KLF12: variants seen among roughly 807,000 people sequenced by gnomAD.
The protein encoded by KLF12 is Krueppel-like factor 12.
A neutral mutation model predicts 37.8 loss-of-function variants in KLF12; 9 were observed. The observed-to-expected ratio is 0.24, with a 90% CI of 0.14 to 0.42. KLF12 has a LOEUF of 0.42. KLF12 is among the 10% of genes least tolerant of loss of function. The pLI is 1.00. For missense variants in KLF12, 411 were observed against 516.0 expected (o/e 0.80, Z 1.97); for synonymous variants, 208 against 202.1 (o/e 1.03, Z -0.25).
chr13:73,774,960 CA>C (rs1207805167), intron 5 of KLF12, among the ~76,000 whole-genome samples: 1 of 150,218 alleles, frequency 6.7e-6, no homozygotes, highest in Non-Finnish European at 1.5e-5. Flanking sequence ...CTCTGTAGCC[CA>C]GGCTGGATTA....
the KLF12 span, among the ~76,000 whole-genome samples, chr13:74,163,329 A>G: frequency 6.6e-6 from 1 of 152,218 alleles, no homozygotes; most frequent in Admixed American, 6.5e-5. Flanking sequence ...ATGGAATCAT[A>G]TCTGTTTATC....
At chr13:73,748,972 C>T (rs987971098) in intron 6 of KLF12, among the ~76,000 whole-genome samples, 1 of 152,142 alleles carries the variant, frequency 6.6e-6, no homozygotes, top group Non-Finnish European at 1.5e-5. Context: ...ACATTCAGTA[C>T]TTCAGAGGCC....
chr13:73,943,750 T>C (rs1424997000), intron 3 of KLF12, among the ~76,000 whole-genome samples: 2 of 152,256 alleles, frequency 1.3e-5, no homozygotes, highest in Non-Finnish European at 2.9e-5. Context: ...GTTCTAATAA[T>C]GTCACTATGC....
intron 6 of KLF12, among the ~76,000 whole-genome samples, chr13:73,750,593 G>T (rs1018676910): frequency 3.9e-5 from 6 of 152,140 alleles, no homozygotes; most frequent in Admixed American, 2.0e-4. Flanking sequence ...AGGCTGATGG[G>T]TGGGGGGACT....
At chr13:74,033,314 C>T (rs1475709793) in intron 1 of KLF12, among the ~76,000 whole-genome samples, 1 of 152,196 alleles carries the variant, frequency 6.6e-6, no homozygotes, top group African/African-American at 2.4e-5. Flanking sequence ...TATACATGCA[C>T]ATACACAAAT....
At chr13:73,755,754 C>T (rs377145074) in intron 6 of KLF12, among the ~76,000 whole-genome samples, 3 of 151,904 alleles carry the variant, frequency 2.0e-5, no homozygotes, top group Non-Finnish European at 4.4e-5. Context: ...CACCACCCCC[C>T]CAACCCTTTC....
At chr13:73,904,130 C>T (rs534419780) in intron 3 of KLF12, among the ~76,000 whole-genome samples, 1 of 152,164 alleles carries the variant, frequency 6.6e-6, no homozygotes, top group African/African-American at 2.4e-5. Flanking sequence ...GCAAGGCTAG[C>T]AATGGAGATA....
chr13:74,170,158 C>T, the KLF12 span, among the ~76,000 whole-genome samples: 3 of 151,822 alleles, frequency 2.0e-5, no homozygotes, highest in East Asian at 5.8e-4. Context: ...CGTAATTACG[C>T]CCTATATGAT....
chr13:74,160,490 G>T, the KLF12 span, among the ~76,000 whole-genome samples: 1 of 152,188 alleles, frequency 6.6e-6, no homozygotes, highest in South Asian at 2.1e-4. Flanking sequence ...TTCAGGGAAC[G>T]TCTCAGCCTA....
At chr13:74,032,300 C>CT (rs1893134832) in intron 1 of KLF12, among the ~76,000 whole-genome samples, 2 of 152,062 alleles carry the variant, frequency 1.3e-5, no homozygotes, top group South Asian at 4.1e-4. Flanking sequence ...TGTAGAAGGC[C>CT]TTCAAATACT....
At chr13:74,009,840 T>G (rs1196443925) in intron 1 of KLF12, among the ~76,000 whole-genome samples, 1 of 152,242 alleles carries the variant, frequency 6.6e-6, no homozygotes, top group African/African-American at 2.4e-5. Context: ...GCAGACTGAC[T>G]CTAGCTACCA....
chr13:73,985,837 A>C (rs1891813824), intron 2 of KLF12, among the ~76,000 whole-genome samples: 1 of 152,250 alleles, frequency 6.6e-6, no homozygotes, highest in Admixed American at 6.5e-5. Context: ...AAACAATCAA[A>C]AAAATTCCCC....
At chr13:74,178,409 GA>G in the KLF12 span, among the ~76,000 whole-genome samples, 2 of 152,216 alleles carry the variant, frequency 1.3e-5, no homozygotes, top group South Asian at 4.2e-4. Flanking sequence ...CTCTTCAAGG[GA>G]AAAAGGTCAG....
chr13:74,138,360 A>T (rs1001476538), upstream of KLF12, among the ~76,000 whole-genome samples: 1 of 152,204 alleles, frequency 6.6e-6, no homozygotes, highest in Non-Finnish European at 1.5e-5. Context: ...GTGAACATGT[A>T]CTGTTAGGTT....
At chr13:74,299,307 C>A in the KLF12 span, among the ~76,000 whole-genome samples, 5 of 152,312 alleles carry the variant, frequency 3.3e-5, no homozygotes, top group East Asian at 7.7e-4. Flanking sequence ...CAGGAAGCCA[C>A]TGGGAAATTC....
the KLF12 span, among the ~76,000 whole-genome samples, chr13:74,278,740 C>A: frequency 6.2e-4 from 94 of 152,254 alleles, no homozygotes; most frequent in Admixed American, 1.2e-3. Context: ...TCAGAAGCTG[C>A]AAAATTAATT....
the KLF12 span, among the ~76,000 whole-genome samples, chr13:74,289,443 G>A: frequency 6.6e-6 from 1 of 152,222 alleles, no homozygotes; most frequent in South Asian, 2.1e-4. Context: ...GGAGCAGAGA[G>A]AGCTTAGCTA....
intron 3 of KLF12, among the ~76,000 whole-genome samples, chr13:73,848,598 C>T (rs1885152389): frequency 6.8e-6 from 1 of 147,748 alleles, no homozygotes; most frequent in Non-Finnish European, 1.5e-5. Context: ...ATATATAATA[C>T]ATATAGCATA....
At chr13:74,108,929 G>A (rs113608246) in intron 1 of KLF12, among the ~76,000 whole-genome samples, 2,245 of 152,164 alleles carry the variant, frequency 0.015, 20 homozygotes, top group Middle Eastern at 0.041. Flanking sequence ...AATCCATATT[G>A]TTCAAGGGTC....
Sources: allele counts gnomAD v4.1 joint callset (sites outside exome capture counted in the v4.1 genomes callset), GRCh38; gene constraint gnomAD v4.1.1; transcripts MANE v1.5; gene names NCBI Gene and HGNC (gene_info 2026-07-23, HGNC 2026-07-21).